Variants in TAFA1 observed in about 807,000 individuals in gnomAD.
TAFA1 encodes chemokine-like protein TAFA-1.
TAFA1 carries 4 observed loss-of-function variants against 18.5 expected under a neutral mutation model. The ratio of observed to expected loss-of-function variants is 0.22; its 90% CI spans 0.11 to 0.49. The LOEUF (loss-of-function observed/expected upper bound fraction) is 0.49. Among genes scored for constraint, TAFA1 ranks in the 20% least tolerant of loss-of-function variants. TAFA1 has a pLI of 0.98. For synonymous variants in TAFA1, 56 were observed against 55.2 expected (o/e 1.01, Z -0.06); for missense variants, 147 against 169.0 (o/e 0.87, Z 0.72).
chr3:68,539,116 G>T (rs141015536), intron 4 of TAFA1, among the ~76,000 whole-genome samples: 2 of 152,236 alleles, frequency 1.3e-5, no homozygotes, highest in African/African-American at 4.8e-5. Flanking sequence ...AATTAAGTTG[G>T]GTTTCCAGCC....
intron 2 of TAFA1, among the ~76,000 whole-genome samples, chr3:68,305,385 A>G (rs2068386470): frequency 3.1e-5 from 4 of 128,876 alleles, no homozygotes; most frequent in Admixed American, 2.6e-4. Flanking sequence ...GGCTATATAT[A>G]TATGACTATA....
At chr3:68,050,358 C>T (rs1474560882) in intron 2 of TAFA1, among the ~76,000 whole-genome samples, 2 of 152,112 alleles carry the variant, frequency 1.3e-5, no homozygotes, top group East Asian at 1.9e-4. Flanking sequence ...GCACTTGCCA[C>T]TTGTCCTGTG....
intron 2 of TAFA1, among the ~76,000 whole-genome samples, chr3:68,323,833 G>A: frequency 6.6e-6 from 1 of 152,114 alleles, no homozygotes; most frequent in East Asian, 1.9e-4. Flanking sequence ...ACTTGTACAC[G>A]AGTTTTATGT....
intron 2 of TAFA1, among the ~76,000 whole-genome samples, chr3:68,184,867 C>A (rs2066251197): frequency 6.6e-6 from 1 of 152,112 alleles, no homozygotes; most frequent in Admixed American, 6.6e-5. Context: ...GAAGCAGATT[C>A]CTATGGGCTG....
chr3:68,031,095 A>G (rs1404938610), intron 2 of TAFA1, among the ~76,000 whole-genome samples: 1 of 152,174 alleles, frequency 6.6e-6, no homozygotes, highest in South Asian at 2.1e-4. Flanking sequence ...ATTGTTTCCT[A>G]TGTTAACTTA....
chr3:68,177,502 G>A (rs1280244193), intron 2 of TAFA1, among the ~76,000 whole-genome samples: 1 of 151,998 alleles, frequency 6.6e-6, no homozygotes, highest in African/African-American at 2.4e-5. Flanking sequence ...GTAGTAATCA[G>A]GAATATAATA....
In TAFA1 at chr3:68,010,466, T is replaced by C. The variant is rs939372304; in HGVS notation, c.118+3722T>C. Among the ~76,000 whole-genome samples the C allele has an allele frequency of 5.3e-5, 8 of 152,178 alleles. No homozygotes were observed. In the South Asian group the frequency reaches 1.4e-3, roughly 28 times the overall value. ...TGGGCCAATTTCTGCTGTCATAACA[T>C]GAAATCGAGACCACGTTTTTGTGAG... is the stretch of plus-strand genomic sequence containing the variant. On this transcript the variant is annotated intron_variant, in intron 2 of 4. Transcript: ENST00000478136.
chr3:68,107,736 A>G (rs1268907514), intron 2 of TAFA1, among the ~76,000 whole-genome samples: 2 of 152,108 alleles, frequency 1.3e-5, no homozygotes, highest in Non-Finnish European at 2.9e-5. Context: ...AGTTTCCAGG[A>G]GTGGCTGCAT....
In TAFA1 at chr3:68,397,285, A is replaced by G. The variant is rs2070399942; in HGVS notation, c.119-19995A>G. ...GTTTTAAGTCCCGCATGCGTTAGGTATTTGTCCTAATGCTGTCCCTCCCCT... is the reference window on the plus strand; with the variant it reads ...GTTTTAAGTCCCGCATGCGTTAGGTGTTTGTCCTAATGCTGTCCCTCCCCT... On this transcript the variant is annotated intron_variant, in intron 2 of 4. Transcript: ENST00000478136. Among the ~76,000 whole-genome samples, 5 of 152,154 alleles carry G rather than the reference A, an allele frequency of 3.3e-5. No individual in the cohort carries two copies. In the South Asian group the frequency reaches 6.2e-4, roughly 19 times the overall value.
chr3:68,101,165 C>T (rs1358400092), intron 2 of TAFA1, among the ~76,000 whole-genome samples: 1 of 152,102 alleles, frequency 6.6e-6, no homozygotes, highest in Non-Finnish European at 1.5e-5. Flanking sequence ...TCTTCCCACC[C>T]TCCATCCTCT....
chr3:68,441,139 A>C (rs1036664562), intron 3 of TAFA1, among the ~76,000 whole-genome samples: 1 of 152,182 alleles, frequency 6.6e-6, no homozygotes, highest in African/African-American at 2.4e-5. Flanking sequence ...TGGATTTTGG[A>C]GGAAACATAT....
intron 2 of TAFA1, among the ~76,000 whole-genome samples, chr3:68,153,105 G>A (rs1348532676): frequency 6.6e-6 from 1 of 152,118 alleles, no homozygotes; most frequent in African/African-American, 2.4e-5. Context: ...GACAAAATGA[G>A]TTACTCTTTT....
At chr3:68,138,093 G>A (rs1384726303) in intron 2 of TAFA1, among the ~76,000 whole-genome samples, 1 of 152,040 alleles carries the variant, frequency 6.6e-6, no homozygotes. Flanking sequence ...AGGTGAGAAA[G>A]CAGCCCATTA....
At chr3:68,354,072 G>A (rs546589438) in intron 2 of TAFA1, among the ~76,000 whole-genome samples, 5 of 151,960 alleles carry the variant, frequency 3.3e-5, no homozygotes, top group Admixed American at 6.6e-5. Flanking sequence ...TTTGACTATA[G>A]GGGTTTTCGT....
At chr3:68,531,726 C>T (rs1380569865) in intron 3 of TAFA1, among the ~76,000 whole-genome samples, 1 of 152,054 alleles carries the variant, frequency 6.6e-6, no homozygotes, top group Non-Finnish European at 1.5e-5. Flanking sequence ...TGGGAGACTG[C>T]CTTTCCCTGG....
chr3:68,305,456 T>TATAG (rs2068398771), intron 2 of TAFA1, among the ~76,000 whole-genome samples: 1 of 101,136 alleles, frequency 9.9e-6, no homozygotes, highest in African/African-American at 3.9e-5. Flanking sequence ...TATATATATA[T>TATAG]AGGTAGAAGG....
At chr3:68,433,157 A>T (rs1048253612) in intron 3 of TAFA1, among the ~76,000 whole-genome samples, 11 of 151,972 alleles carry the variant, frequency 7.2e-5, no homozygotes, top group African/African-American at 2.7e-4. Context: ...TTTCAGCATC[A>T]CTCAATAGCA....
chr3:68,406,670 G>C (rs2070616555), intron 2 of TAFA1, among the ~76,000 whole-genome samples: 1 of 152,198 alleles, frequency 6.6e-6, no homozygotes, highest in Non-Finnish European at 1.5e-5. Flanking sequence ...ACAGAGAATA[G>C]AAAAGTGGAG....
At chr3:68,360,901 G>T (rs2069456003) in intron 2 of TAFA1, among the ~76,000 whole-genome samples, 3 of 151,868 alleles carry the variant, frequency 2.0e-5, no homozygotes, top group Non-Finnish European at 4.4e-5. Context: ...CTGGCGAGAG[G>T]CTTTTAAATC....
Sources: allele counts gnomAD v4.1 joint callset (sites outside exome capture counted in the v4.1 genomes callset), GRCh38; gene constraint gnomAD v4.1.1; transcripts MANE v1.5; gene names NCBI Gene and HGNC (gene_info 2026-07-23, HGNC 2026-07-21).